RBM33: variants seen among roughly 807,000 people sequenced by gnomAD.
RBM33 encodes the protein RNA binding motif protein 33.
Under a neutral mutation model 132.6 loss-of-function variants are expected in RBM33, and 28 were observed. That is an observed-to-expected ratio of 0.21 (90% confidence interval 0.16 to 0.29). RBM33 has a LOEUF of 0.29. Among genes scored for constraint, RBM33 ranks in the 10% least tolerant of loss-of-function variants. The probability of loss-of-function intolerance (pLI) is 1.00; values close to 1 mark genes in which losing one functional copy is unlikely to be tolerated. For synonymous variants in RBM33, 634 were observed against 593.0 expected, an observed-to-expected ratio of 1.07 and a Z score of -1.01; for missense variants, 1,291 against 1,518.5, an observed-to-expected ratio of 0.85 and a Z score of 2.49.
At chr7:155,664,999 TTTAAAGATGTTTCATTA>T (rs1798762572) in intron 1 of RBM33, among the ~76,000 whole-genome samples, 159 bp from the exon 2 acceptor site, 1 of 152,218 alleles carries the variant, frequency 6.6e-6, no homozygotes, top group Admixed American at 6.5e-5. Flanking sequence ...GCTTTGTGTT[TTTAAAGATGTTTCATTA>T]TTAAAAATGG....
At chr7:155,664,731 A>G (rs1485333560) in intron 1 of RBM33, among the ~76,000 whole-genome samples, 1 of 152,216 alleles carries the variant, frequency 6.6e-6, no homozygotes, top group Non-Finnish European at 1.5e-5. Flanking sequence ...TGCTCAGCAC[A>G]TCTCTGCATT....
intron 14 of RBM33, among the ~76,000 whole-genome samples, chr7:155,761,859 A>G (rs1259327401): frequency 1.3e-5 from 2 of 152,188 alleles, no homozygotes; most frequent in Non-Finnish European, 2.9e-5. Context: ...TTCTTGAGGT[A>G]GAAACTCAAA....
intron 16 of RBM33, among the ~76,000 whole-genome samples, chr7:155,772,316 G>A (rs916881714): frequency 6.6e-6 from 1 of 152,114 alleles, no homozygotes; most frequent in African/African-American, 2.4e-5. Flanking sequence ...GTTAGGCTGG[G>A]ATGGACAAGT....
At chr7:155,692,778 A>G (rs1284468388) in intron 5 of RBM33, among the ~76,000 whole-genome samples, 1 of 152,254 alleles carries the variant, frequency 6.6e-6, no homozygotes, top group Non-Finnish European at 1.5e-5. Flanking sequence ...TAAAAGCTTT[A>G]AAGCTCCTGT....
chr7:155,691,195 C>A (rs1176185782), intron 5 of RBM33, among the ~76,000 whole-genome samples: 2 of 152,200 alleles, frequency 1.3e-5, no homozygotes, highest in African/African-American at 2.4e-5. Context: ...CTAAACTTCT[C>A]TTCTGGCTTC....
intron 3 of RBM33, among the ~76,000 whole-genome samples, chr7:155,676,408 C>T (rs1410750770): frequency 6.6e-6 from 1 of 152,188 alleles, no homozygotes; most frequent in African/African-American, 2.4e-5. Context: ...AGACATTCTC[C>T]TGTTACATTG....
Position 155,700,806 on chromosome 7 carries a change from A to G in RBM33, c.601A>G (p.Ile201Val), listed in dbSNP as rs1799939967. The change falls in exon 6 of 18, where the codon ATC (isoleucine) becomes GTC (valine). Residue 201 changes from isoleucine (I) to valine (V), a missense_variant. By Grantham distance (29) the Ile-to-Val change is conservative. Transcript: ENST00000401878. ...GGAAACATTGGAACTTCAAAAGGACATCAAAGAAGAATCAGATGAAGAAGA... is the reference window on the plus strand; with the variant it reads ...GGAAACATTGGAACTTCAAAAGGACGTCAAAGAAGAATCAGATGAAGAAGA... Reference protein sequence around the residue: ...GMETLELQKDIKEESDEEEED... With the variant: ...GMETLELQKDVKEESDEEEED... 4 of 1,581,886 alleles carry G rather than the reference A, an allele frequency of 2.5e-6. No individual in the cohort carries two copies. Among genetic ancestry groups the G allele is most frequent in the Non-Finnish European group, 3.4e-6 (4 of 1,163,090 alleles).
chr7:155,743,172 G>A (rs560061049), intron 13 of RBM33, among the ~76,000 whole-genome samples: 34 of 152,146 alleles, frequency 2.2e-4, no homozygotes, highest in Non-Finnish European at 4.3e-4. Context: ...ATTAGAACAC[G>A]AGTGACTTTT....
intron 8 of RBM33, among the ~76,000 whole-genome samples, chr7:155,718,179 G>A (rs1207685613): frequency 6.6e-6 from 1 of 152,096 alleles, no homozygotes; most frequent in Non-Finnish European, 1.5e-5. Flanking sequence ...TGCTTGCACT[G>A]CTGTGTACCG....
intron 12 of RBM33, 44 bp from the exon 13 acceptor site, chr7:155,741,775 C>T (rs758839541): frequency 1.3e-6 from 2 of 1,549,982 alleles, no homozygotes; most frequent in South Asian, 2.3e-5. Flanking sequence ...TTCCTTCTGC[C>T]AAGTTTCCAC....
At chr7:155,764,590 G>A (rs1419552689) in intron 15 of RBM33, among the ~76,000 whole-genome samples, 3 of 152,232 alleles carry the variant, frequency 2.0e-5, no homozygotes, top group African/African-American at 7.2e-5. Context: ...GGCCGTCTGT[G>A]CACTGGGAGC....
chr7:155,714,938 G>A (rs1432022324), intron 8 of RBM33, among the ~76,000 whole-genome samples: 1 of 151,966 alleles, frequency 6.6e-6, no homozygotes, highest in Non-Finnish European at 1.5e-5. Context: ...GGAGGGGGGC[G>A]CCTCTTGACA....
chr7:155,730,780 T>G (rs1461496291), intron 9 of RBM33, among the ~76,000 whole-genome samples: 1 of 152,212 alleles, frequency 6.6e-6, no homozygotes, highest in Non-Finnish European at 1.5e-5. Context: ...CTTTGTTACG[T>G]ACCAGTAACA....
chr7:155,737,548 C>G lies in RBM33; in HGVS notation c.1279C>G (p.Gln427Glu). ...QRFPGPPEFP[Q>E]HTPGPVPNSF... ...TCTTTAGGGCCCTCCAGAATTTCCACAGCATACACCTGGACCTGTTCCCAA... is the reference window on the plus strand; with the variant it reads ...TCTTTAGGGCCCTCCAGAATTTCCAGAGCATACACCTGGACCTGTTCCCAA... Residue 427 changes from glutamine (Q) to glutamate (E), a missense_variant, in exon 10 of 18, where the codon CAG (glutamine) becomes GAG (glutamate). Coordinates refer to ENST00000401878, the MANE Select transcript of RBM33 (RefSeq NM_053043.3). 1 of 1,608,942 alleles carries G rather than the reference C, an allele frequency of 6.2e-7. No individual in the cohort carries two copies. The highest frequency in any genetic ancestry group is 8.5e-7 in the Non-Finnish European group (1 of 1,178,320).
At chr7:155,696,805 A>G (rs1270698104) in intron 5 of RBM33, among the ~76,000 whole-genome samples, 2 of 152,042 alleles carry the variant, frequency 1.3e-5, no homozygotes, top group East Asian at 1.9e-4. Flanking sequence ...TTGTCTCTCC[A>G]TTCCCCTTTG....
chr7:155,721,097 A>G (rs1165242529), intron 9 of RBM33, among the ~76,000 whole-genome samples: 1 of 152,048 alleles, frequency 6.6e-6, no homozygotes, highest in Non-Finnish European at 1.5e-5. Context: ...AGGAATTCTC[A>G]TTGCTCCTAG....
At chr7:155,772,243 G>A in intron 16 of RBM33, among the ~76,000 whole-genome samples, 1 of 152,274 alleles carries the variant, frequency 6.6e-6, no homozygotes, top group Non-Finnish European at 1.5e-5. Context: ...CCGGAGGCAC[G>A]GCTGCAGCAG....
At chr7:155,766,985 T>A (rs1802243885) in intron 16 of RBM33, 1 of 300,698 alleles carries the variant, frequency 3.3e-6, no homozygotes. Context: ...TGACTTGTTT[T>A]ATTTGTAATA....
At chr7:155,702,213 TG>T (rs1277228210) in intron 6 of RBM33, among the ~76,000 whole-genome samples, 1 of 152,210 alleles carries the variant, frequency 6.6e-6, no homozygotes, top group Non-Finnish European at 1.5e-5. Context: ...GTCCAAAACA[TG>T]AGCCTGTATC....
Sources: gnomAD v4.1 joint callset for allele counts (sites outside exome capture counted in the v4.1 genomes callset) on GRCh38, gnomAD v4.1.1 for gene constraint, MANE v1.5 for transcripts, NCBI Gene and HGNC (gene_info 2026-07-23, HGNC 2026-07-21) for gene names.